The following CACNA1C variants were observed in gnomAD, a reference collection of about 807,000 sequenced individuals.
The protein encoded by CACNA1C is calcium voltage-gated channel subunit alpha1 C.
Under a neutral mutation model 229.0 loss-of-function variants are expected in CACNA1C, and 30 were observed. The observed-to-expected ratio is 0.13, with a 90% CI of 0.10 to 0.18. The LOEUF (loss-of-function observed/expected upper bound fraction) is 0.18, where lower values mean the gene tolerates loss of function less well. CACNA1C is among the 10% of genes least tolerant of loss of function. The pLI is 1.00. For missense variants in CACNA1C, 1,658 were observed against 2,845.0 expected, an observed-to-expected ratio of 0.58 and a Z score of 9.49; for synonymous variants, 1,114 against 1,132.5, an observed-to-expected ratio of 0.98 and a Z score of 0.33.
intron 3 of CACNA1C, among the ~76,000 whole-genome samples, chr12:2,207,972 A>G (rs1052748941): frequency 1.3e-5 from 2 of 152,228 alleles, no homozygotes; most frequent in Non-Finnish European, 2.9e-5. Context: ...GACAGAACAA[A>G]CAATAAGAAT....
intron 30 of CACNA1C, among the ~76,000 whole-genome samples, chr12:2,634,654 A>G (rs906585916): frequency 6.6e-6 from 1 of 151,246 alleles, no homozygotes; most frequent in African/African-American, 2.4e-5. Context: ...TCAGCCTGGC[A>G]TGACTCACAC....
intron 9 of CACNA1C, among the ~76,000 whole-genome samples, chr12:2,530,793 T>C (rs1194208126): frequency 6.6e-6 from 1 of 152,212 alleles, no homozygotes; most frequent in African/African-American, 2.4e-5. Flanking sequence ...GTAGGAACTT[T>C]ATGAATACTG....
chr12:2,455,794 G>C (rs1596806226), intron 4 of CACNA1C, among the ~76,000 whole-genome samples: 1 of 152,124 alleles, frequency 6.6e-6, no homozygotes, highest in South Asian at 2.1e-4. Context: ...CTCTCTTCAT[G>C]GGGCGCCGTT....
intron 3 of CACNA1C, among the ~76,000 whole-genome samples, chr12:2,367,283 CAG>C (rs1478242326): frequency 6.6e-6 from 1 of 152,170 alleles, no homozygotes; most frequent in Non-Finnish European, 1.5e-5. Context: ...AGGCAGAACT[CAG>C]GGAGTCATGC....
At chr12:2,177,587 C>CCCTCCCTCCTTCCTTCCTTCCTTCCTT (rs750852324) in intron 3 of CACNA1C, among the ~76,000 whole-genome samples, 1 of 78,462 alleles carries the variant, frequency 1.3e-5, no homozygotes, top group African/African-American at 6.0e-5. Context: ...CTCCCTCCCT[C>CCCTCCCTCCTTCCTTCCTTCCTTCCTT]CCTTCCTTCC....
intron 3 of CACNA1C, among the ~76,000 whole-genome samples, chr12:2,295,314 A>G (rs951391640): frequency 1.3e-5 from 2 of 152,124 alleles, no homozygotes; most frequent in African/African-American, 4.8e-5. Context: ...GGCAACCCCA[A>G]CTAACATGCC....
chr12:2,217,104 A>G (rs991699457), intron 3 of CACNA1C, among the ~76,000 whole-genome samples: 11 of 152,274 alleles, frequency 7.2e-5, no homozygotes, highest in Non-Finnish European at 2.9e-5. Context: ...GATACATGCT[A>G]CAACATGGAT....
rs370039212 is a variant in CACNA1C, at chr12:2,232,597, TATC to T, written c.477+112170_477+112172del. ...GGGAGATATTTTGAGACTATGCAAA[TATC>T]ATGCTTTTTGTCAAGCTTTTGCCCA... On this transcript the variant is annotated intron_variant, in intron 3 of 46. Coordinates refer to ENST00000399655, the MANE Select transcript of CACNA1C (RefSeq NM_000719.7). Among the ~76,000 whole-genome samples, 158 of 152,218 alleles carry T rather than the reference TATC, an allele frequency of 1.0e-3. No individual in the cohort carries two copies. In the East Asian group the frequency reaches 0.028, roughly 27 times the overall value.
At chr12:2,513,884 T>G (rs146292042) in intron 9 of CACNA1C, among the ~76,000 whole-genome samples, 105 of 152,352 alleles carry the variant, frequency 6.9e-4, no homozygotes, top group African/African-American at 2.5e-3. Flanking sequence ...ATAGTAAATT[T>G]GAGAAGCTTT....
At chr12:2,670,593 G>T (rs1389231869) in intron 38 of CACNA1C, among the ~76,000 whole-genome samples, 2 of 152,126 alleles carry the variant, frequency 1.3e-5, no homozygotes, top group Admixed American at 1.3e-4. Context: ...AGGCGTGCTG[G>T]CTCGTGCCTG....
intron 3 of CACNA1C, among the ~76,000 whole-genome samples, chr12:2,384,399 G>A (rs1433455982): frequency 6.6e-6 from 1 of 152,058 alleles, no homozygotes; most frequent in African/African-American, 2.4e-5. Flanking sequence ...ATCTACTTTG[G>A]TCGTGGATTC....
intron 5 of CACNA1C, among the ~76,000 whole-genome samples, chr12:2,462,601 T>A (rs954461683): frequency 1.3e-5 from 2 of 152,232 alleles, no homozygotes; most frequent in African/African-American, 4.8e-5. Context: ...ATCTGTAGAA[T>A]GAGCAAACAT....
intron 29 of CACNA1C, among the ~76,000 whole-genome samples, chr12:2,619,515 A>C (rs1404052491): frequency 6.6e-6 from 1 of 152,146 alleles, no homozygotes; most frequent in Non-Finnish European, 1.5e-5. Context: ...GTCTCACACC[A>C]TGAAATAACT....
rs1294315223 is a variant in CACNA1C, at chr12:2,691,894, G to A, written c.*695G>A. On this transcript the variant is annotated 3_prime_UTR_variant, in exon 47 of 47. Transcript: ENST00000399655. Reference sequence around the variant, plus strand: ...CCAGGTGGTGCTGAGCTTCCGCTGAGCGCTCTTTTGTTTTGTGGTTTGACA... The same window carrying A: ...CCAGGTGGTGCTGAGCTTCCGCTGAACGCTCTTTTGTTTTGTGGTTTGACA... 7 of 152,100 alleles carry A rather than the reference G, an allele frequency of 4.6e-5. No homozygotes were observed. The highest frequency in any genetic ancestry group is 4.6e-4 in the Admixed American group (7 of 15,282). The allele number at this position is 152,100 out of a possible 1,614,324, so 9.4% of individuals were successfully genotyped here. A position where few individuals can be genotyped will look rare whatever the true frequency, so the allele number is the denominator to read the frequency against.
At chr12:2,688,220 G>A (rs2097618182) in intron 45 of CACNA1C, among the ~76,000 whole-genome samples, 1 of 152,244 alleles carries the variant, frequency 6.6e-6, no homozygotes, top group Non-Finnish European at 1.5e-5. Flanking sequence ...AGTTACAGGA[G>A]AAAGAGATCA....
intron 22 of CACNA1C, among the ~76,000 whole-genome samples, chr12:2,604,541 C>T (rs1007418525): frequency 2.0e-5 from 3 of 152,304 alleles, no homozygotes; most frequent in East Asian, 3.9e-4. Context: ...AGTGTAGTAA[C>T]GTCTTCAGCA....
chr12:2,082,956 T>C (rs1595381971), intron 1 of CACNA1C, among the ~76,000 whole-genome samples: 1 of 152,180 alleles, frequency 6.6e-6, no homozygotes, highest in Admixed American at 6.5e-5. Flanking sequence ...TTTTTGGTGG[T>C]GTTTGTTTTT....
At chr12:2,588,228 T>G (rs10437825) in intron 18 of CACNA1C, among the ~76,000 whole-genome samples, 12,104 of 152,228 alleles carry the variant, frequency 0.08, 1,632 homozygotes, top group African/African-American at 0.28. Context: ...ATGGCAAAGA[T>G]CCTGATCTAC....
chr12:2,593,369 T>TG, intron 19 of CACNA1C, 24 bp downstream of exon 19: 1 of 1,612,710 alleles, frequency 6.2e-7, no homozygotes, highest in Non-Finnish European at 8.5e-7. Flanking sequence ...GTGGGGAAGG[T>TG]GGGGTCCTGC....
Sources: allele counts gnomAD v4.1 joint callset (sites outside exome capture counted in the v4.1 genomes callset), GRCh38; gene constraint gnomAD v4.1.1; transcripts MANE v1.5; gene names NCBI Gene and HGNC (gene_info 2026-07-23, HGNC 2026-07-21).